Variants in PTPRG observed in about 807,000 individuals in gnomAD.
PTPRG encodes receptor-type tyrosine-protein phosphatase gamma.
In PTPRG, 102 loss-of-function variants were observed where a neutral mutation model predicts 165.3. The observed-to-expected ratio is 0.62, with a 90% CI of 0.53 to 0.73. PTPRG has a LOEUF of 0.73. Ranked by LOEUF, PTPRG falls within the 30% of genes least tolerant of loss-of-function variation. PTPRG has a pLI of 0.00. For synonymous variants in PTPRG, 675 were observed against 669.5 expected (o/e 1.01, Z -0.13); for missense variants, 1,866 against 1,861.4 (o/e 1.00, Z -0.05).
chr3:61,602,652 C>T (rs181593180), intron 1 of PTPRG, among the ~76,000 whole-genome samples: 1 of 152,248 alleles, frequency 6.6e-6, no homozygotes, highest in African/African-American at 2.4e-5. Context: ...TCAGCAGGAC[C>T]CCCTCTTCGG....
chr3:62,272,960 G>C lies in PTPRG; in HGVS notation c.3197G>C (p.Arg1066Thr). 7 of 1,612,156 alleles carry C rather than the reference G, an allele frequency of 4.3e-6. No homozygotes were observed. The highest frequency in any genetic ancestry group is 5.1e-6 in the Non-Finnish European group (6 of 1,179,136). The change falls in exon 22 of 30, where the codon AGA becomes ACA. Residue 1066 changes from arginine (R) to threonine (T), a missense_variant. Arg to Thr is a moderately conservative substitution (Grantham distance 71). Around this residue, in one of 3 missense-constraint regions of PTPRG, gnomAD observed 1,452 missense variants for 1,463.0 expected, o/e 0.99. Coordinates refer to ENST00000474889, the MANE Select transcript of PTPRG (RefSeq NM_002841.4). ...ATTTCTTACAGTGCTGGTGTGGGCA[G>C]AACAGGCACCTATATTGTAATAGAC... is the stretch of plus-strand genomic sequence containing the variant. ...VLVHCSAGVGRTGTYIVIDSM... is the reference protein window; with the variant it reads ...VLVHCSAGVGTTGTYIVIDSM...
chr3:61,696,300 G>A (rs1409094867), intron 1 of PTPRG, among the ~76,000 whole-genome samples: 2 of 152,128 alleles, frequency 1.3e-5, no homozygotes, highest in African/African-American at 2.4e-5. Context: ...CCAGGAGTTC[G>A]AGACCGGTCT....
intron 28 of PTPRG, among the ~76,000 whole-genome samples, chr3:62,290,462 A>G (rs1702841094): frequency 6.6e-6 from 1 of 152,216 alleles, no homozygotes; most frequent in Non-Finnish European, 1.5e-5. Flanking sequence ...TGTTTGAATC[A>G]CTAAAAACAA....
At chr3:62,200,769 A>G (rs1197825078) in intron 10 of PTPRG, among the ~76,000 whole-genome samples, 1 of 152,244 alleles carries the variant, frequency 6.6e-6, no homozygotes, top group Non-Finnish European at 1.5e-5. Flanking sequence ...ACAGGATTTT[A>G]AAATATAGGT....
chr3:62,064,814 C>T (rs1369684197), intron 4 of PTPRG, among the ~76,000 whole-genome samples: 1 of 140,026 alleles, frequency 7.1e-6, no homozygotes, highest in Non-Finnish European at 1.5e-5. Flanking sequence ...CTCGCCGCAA[C>T]ATCCAGCTCC....
chr3:62,265,378 A>G (rs1445068999), intron 17 of PTPRG, among the ~76,000 whole-genome samples: 2 of 152,088 alleles, frequency 1.3e-5, no homozygotes. Flanking sequence ...ATTCCATTTG[A>G]TCCTAATGTA....
At chr3:61,927,088 G>A (rs1391131479) in intron 2 of PTPRG, among the ~76,000 whole-genome samples, 1 of 152,174 alleles carries the variant, frequency 6.6e-6, no homozygotes, top group African/African-American at 2.4e-5. Context: ...CTGAATTCAG[G>A]AAACTCCAGA....
chr3:61,837,900 CTCTGTGTGTCTTCACATGGCCTTCCCTG>C (rs1051503294), intron 2 of PTPRG, among the ~76,000 whole-genome samples: 1 of 152,218 alleles, frequency 6.6e-6, no homozygotes, highest in African/African-American at 2.4e-5. Context: ...TGGCCACCTT[CTCTGTGTGTCTTCACATGGCCTTCCCTG>C]TCTTTCTTCT....
At chr3:61,639,803 C>T (rs544999488) in intron 1 of PTPRG, among the ~76,000 whole-genome samples, 14 of 151,534 alleles carry the variant, frequency 9.2e-5, no homozygotes, top group East Asian at 1.9e-4. Context: ...GTTCCAGGAG[C>T]GTTTGTCTTT....
intron 6 of PTPRG, among the ~76,000 whole-genome samples, chr3:62,144,505 C>T (rs1444510192): frequency 6.6e-6 from 1 of 152,222 alleles, no homozygotes; most frequent in Non-Finnish European, 1.5e-5. Flanking sequence ...TTGAACATCT[C>T]AACATGCAAC....
At chr3:61,803,054 T>C (rs1046730884) in intron 2 of PTPRG, among the ~76,000 whole-genome samples, 8 of 152,328 alleles carry the variant, frequency 5.3e-5, no homozygotes, top group African/African-American at 1.9e-4. Context: ...CCACATTCAT[T>C]TGTTTACATA....
At chr3:62,144,238 C>T (rs74351263) in intron 6 of PTPRG, among the ~76,000 whole-genome samples, 7 of 152,156 alleles carry the variant, frequency 4.6e-5, no homozygotes, top group African/African-American at 1.7e-4. Context: ...ATTGTAGTAG[C>T]TCTACTAATA....
At chr3:62,133,076 T>G (rs867191677) in intron 6 of PTPRG, among the ~76,000 whole-genome samples, 8 of 152,342 alleles carry the variant, frequency 5.3e-5, no homozygotes, top group African/African-American at 1.9e-4. Flanking sequence ...TATTAAACTT[T>G]GCAGCATGTG....
intron 3 of PTPRG, among the ~76,000 whole-genome samples, chr3:61,992,480 G>A (rs1018651004): frequency 7.3e-5 from 11 of 151,402 alleles, no homozygotes; most frequent in African/African-American, 2.4e-4. Flanking sequence ...GTGCCTCATC[G>A]GCCTGAGTAA....
intron 1 of PTPRG, among the ~76,000 whole-genome samples, chr3:61,705,548 T>C (rs1162060461): frequency 2.6e-5 from 4 of 152,106 alleles, no homozygotes; most frequent in Non-Finnish European, 5.9e-5. Flanking sequence ...CATCACCGCA[T>C]CAAAGAAAGG....
At chr3:61,766,581 A>G (rs936327381) in intron 2 of PTPRG, among the ~76,000 whole-genome samples, 1 of 151,882 alleles carries the variant, frequency 6.6e-6, no homozygotes, top group Admixed American at 6.6e-5. Flanking sequence ...CGTATCACAC[A>G]TGTATTATTT....
At chr3:61,771,097 G>C (rs2034193841) in intron 2 of PTPRG, 1 of 152,140 alleles carries the variant, frequency 6.6e-6, no homozygotes, top group African/African-American at 2.4e-5. Flanking sequence ...GCAAGGTGAG[G>C]AGAGTTGAGC....
At chr3:61,682,696 A>G (rs910407042) in intron 1 of PTPRG, among the ~76,000 whole-genome samples, 2 of 152,192 alleles carry the variant, frequency 1.3e-5, no homozygotes, top group Non-Finnish European at 2.9e-5. Context: ...CCCAGCTTTC[A>G]GTGACCCTGC....
chr3:61,626,120 CAA>C (rs1252871367), intron 1 of PTPRG, among the ~76,000 whole-genome samples: 3 of 151,622 alleles, frequency 2.0e-5, no homozygotes, highest in Admixed American at 1.3e-4. Context: ...GAATAGGAAT[CAA>C]GAGTGTGATT....
Sources: allele counts gnomAD v4.1 joint callset (sites outside exome capture counted in the v4.1 genomes callset), GRCh38; gene constraint gnomAD v4.1.1; regional missense constraint gnomAD v4.1.1; transcripts MANE v1.5; gene names NCBI Gene and HGNC (gene_info 2026-07-23, HGNC 2026-07-21).